Variants in F2 observed in about 807,000 individuals in gnomAD.
The protein encoded by F2 is prothrombin.
A neutral mutation model predicts 81.9 loss-of-function variants in F2; 34 were observed. The observed-to-expected ratio is 0.42, with a 90% confidence interval of 0.32 to 0.55. The LOEUF (loss-of-function observed/expected upper bound fraction) is 0.55, where lower values mean the gene tolerates loss of function less well. Ranked by LOEUF, F2 falls within the 20% of genes least tolerant of loss-of-function variation. The probability of loss-of-function intolerance (pLI) is 0.18; values close to 1 mark genes in which losing one functional copy is unlikely to be tolerated. For synonymous variants in F2, 296 were observed against 326.4 expected, an observed-to-expected ratio of 0.91 and a Z score of 1.01; for missense variants, 630 against 833.4, an observed-to-expected ratio of 0.76 and a Z score of 3.00.
chr11:46,727,800 T>A (rs2064883955), intron 9 of F2, among the ~76,000 whole-genome samples, 196 bp from the exon 10 acceptor site: 1 of 151,400 alleles, frequency 6.6e-6, no homozygotes, highest in Non-Finnish European at 1.5e-5. Flanking sequence ...AATAAATAAA[T>A]AAAAAAGTGT....
At chr11:46,720,293 C>G in intron 2 of F2, 1 of 600,030 alleles carries the variant, frequency 1.7e-6, no homozygotes, top group South Asian at 1.9e-5. Flanking sequence ...CCTCTCCTCC[C>G]ATCTCCCCCA....
intron 12 of F2, among the ~76,000 whole-genome samples, chr11:46,730,857 A>T (rs2064906835): frequency 8.2e-6 from 1 of 122,448 alleles, no homozygotes; most frequent in African/African-American, 4.0e-5. Context: ...ATACTTGAGT[A>T]TTTCCAAAAA....
Position 46,722,313 on chromosome 11 carries a change from C to T in F2, c.317-867C>T, listed in dbSNP as rs116264656. On this transcript the variant is annotated intron_variant, in intron 4 of 13. Transcript: ENST00000311907. ...TACAAAATATTAAAATGATTGCGGC[C>T]GGGTGTGGTGGCTCAAGCCTGTAAT... is the stretch of plus-strand genomic sequence containing the variant. 9.9e-5 allele frequency among the ~76,000 whole-genome samples: 15 copies of T among 152,208 alleles called. No homozygotes were observed. The Middle Eastern group carries it at 0.014, about 138-fold the overall frequency.
chr11:46,725,928 T>C lies in F2; in HGVS notation c.629T>C (p.Leu210Ser), dbSNP rs948273916. The part of the protein sequence containing the change: ...EGSSVNLSPP[L>S]EQCVPDRGQQ... ...TCCAGTGTGAATCTGTCACCTCCAT[T>C]GGAGCAGTGTGTCCCTGATCGGGGG... The change falls in exon 7 of 14, where the codon TTG becomes TCG. Residue 210 changes from leucine (L) to serine (S), a missense_variant. Transcript: ENST00000311907. The C allele has an allele frequency of 1.9e-6, 3 of 1,613,736 alleles. No individual in the cohort carries two copies. In the African/African-American group the frequency reaches 4.0e-5, roughly 22 times the overall value.
Position 46,726,745 on chromosome 11 carries a change from G to C in F2, c.1038G>C (p.Ser346=). ...CGLRPLFEKK[S]LEDKTERELL... ...TGCGACCTCTGTTCGAGAAGAAGTC[G>C]CTGGAGGACAAAACCGAAAGAGAGC... Residue 346 remains serine (S), a synonymous_variant, in exon 9 of 14, where the codon TCG becomes TCC. Transcript: ENST00000311907. The surrounding 1 kb of genome is among the most constrained non-coding windows in gnomAD (Gnocchi z 5.9). 1 of 1,614,220 alleles carries C rather than the reference G, an allele frequency of 6.2e-7. No homozygotes were observed. The highest frequency in any genetic ancestry group is 8.5e-7 in the Non-Finnish European group (1 of 1,180,046).
chr11:46,727,987 C>T lies in F2; in HGVS notation c.1131-9C>T, dbSNP rs770377423. The T allele has an allele frequency of 1.2e-6, 2 of 1,605,670 alleles. No individual in the cohort carries two copies. The highest frequency in any genetic ancestry group is 1.1e-5 in the South Asian group (1 of 89,524). On this transcript the variant is annotated splice_polypyrimidine_tract_variant and intron_variant, in intron 9 of 13. Coordinates refer to ENST00000311907, the MANE Select transcript of F2 (RefSeq NM_000506.5). Reference sequence around the variant, plus strand: ...CTCAGCTCCTAATGCTTCCTGCTGCCCCTCCCAGGCAGGTGATGCTTTTCC... The same window carrying T: ...CTCAGCTCCTAATGCTTCCTGCTGCTCCTCCCAGGCAGGTGATGCTTTTCC...
Position 46,723,035 on chromosome 11 carries a change from T to C in F2, c.317-145T>C. On this transcript the variant is annotated intron_variant, in intron 4 of 13. Transcript: ENST00000311907. This position sits in a 1 kb window ranked among gnomAD's most constrained non-coding sequence, Gnocchi z 5.6. ...ACTGTTGAGTGAATGGGAGAACTGC[T>C]GGTTGCAGAGGAAGAGGGGCTGGGT... The C allele has an allele frequency of 2.5e-6, 2 of 785,222 alleles. No homozygotes were observed. Among genetic ancestry groups the C allele is most frequent in the Non-Finnish European group, 4.6e-6 (2 of 432,564 alleles). 48.6% of individuals were successfully genotyped at this position (785,222 alleles called of 1,614,324 possible).
In F2 at chr11:46,726,537, A is replaced by C; in HGVS notation, c.914A>C (p.Glu305Ala). 1.2e-6 allele frequency: 2 copies of C among 1,614,034 alleles called. No homozygotes were observed. Among genetic ancestry groups the C allele is most frequent in the Non-Finnish European group, 1.7e-6 (2 of 1,179,916 alleles). The part of the protein sequence containing the change: ...VEEETGDGLD[E>A]DSDRAIEGRT... ...GAGGAGACAGGAGATGGGCTGGATG[A>C]GGACTCAGACAGGGCCATCGAAGGG... Residue 305 changes from glutamate to alanine, a missense_variant, in exon 8 of 14, where the codon GAG becomes GCG. Physicochemically the swap from Glu to Ala is moderately radical, Grantham distance 107 (BLOSUM62 -1). Coordinates refer to ENST00000311907, the MANE Select transcript of F2 (RefSeq NM_000506.5). This position sits in a 1 kb window ranked among gnomAD's most constrained non-coding sequence, Gnocchi z 5.9.
rs372876181 is a variant in F2 at position 46,728,605 on chromosome 11, T to C, written c.1299-59T>C. The C allele has an allele frequency of 1.9e-6, 3 of 1,603,710 alleles. No individual in the cohort carries two copies. Among genetic ancestry groups the C allele is most frequent in the Non-Finnish European group, 2.6e-6 (3 of 1,171,910 alleles). ...TCCCAGACCCCAAGGGCAGGCAGTT[T>C]CCTGCTCCTTGCTGGGTGAACCTGC... On this transcript the variant is annotated intron_variant, in intron 10 of 13. Coordinates refer to ENST00000311907, the MANE Select transcript of F2 (RefSeq NM_000506.5). This position sits in a 1 kb window ranked among gnomAD's most constrained non-coding sequence, Gnocchi z 5.1.
In F2 at chr11:46,726,077, A is replaced by C; in HGVS notation, c.778A>C (p.Asn260His). Reference protein sequence around the residue: ...DFNSAVQLVENFCRNPDGDEE... With the variant: ...DFNSAVQLVEHFCRNPDGDEE... ...CAACTCAGCTGTGCAGCTGGTGGAG[A>C]ACTTCTGCCGCAACCCAGACGGGGA... The change falls in exon 7 of 14, where the codon AAC becomes CAC. Residue 260 changes from asparagine to histidine, a missense_variant. Coordinates refer to ENST00000311907, the MANE Select transcript of F2 (RefSeq NM_000506.5). This position sits in a 1 kb window ranked among gnomAD's most constrained non-coding sequence, Gnocchi z 5.9. 1 of 1,614,080 alleles carries C rather than the reference A, an allele frequency of 6.2e-7. No homozygotes were observed. The highest frequency in any genetic ancestry group is 8.5e-7 in the Non-Finnish European group (1 of 1,180,022).
rs2064847371 is a variant in F2, at chr11:46,723,063, A to C, written c.317-117A>C. 2.3e-6 allele frequency: 2 copies of C among 861,658 alleles called. No homozygotes were observed. Among genetic ancestry groups the C allele is most frequent in the African/African-American group, 1.6e-5 (1 of 60,692 alleles). The allele number at this position is 861,658 out of a possible 1,614,324, so 53.4% of individuals were successfully genotyped here. A position where few individuals can be genotyped will look rare whatever the true frequency, so the allele number is the denominator to read the frequency against. The stretch of plus-strand genomic sequence containing the variant: ...TTGCAGAGGAAGAGGGGCTGGGTGA[A>C]TGCAGGTTCAGGATTGTGGACCTGC... On this transcript the variant is annotated intron_variant, in intron 4 of 13. Transcript: ENST00000311907. This position sits in a 1 kb window ranked among gnomAD's most constrained non-coding sequence, Gnocchi z 5.6.
chr11:46,739,225 T>C (rs2064962572), intron 13 of F2, 40 bp from the exon 14 acceptor site: 1 of 1,613,734 alleles, frequency 6.2e-7, no homozygotes, highest in African/African-American at 1.3e-5. Flanking sequence ...GATGTGACCT[T>C]GAACTTGACT....
intron 4 of F2, among the ~76,000 whole-genome samples, chr11:46,722,174 A>G (rs1020062651): frequency 6.6e-6 from 1 of 152,144 alleles, no homozygotes; most frequent in Admixed American, 6.5e-5. Context: ...CTCAACAGAC[A>G]TTTTACAAAG....
chr11:46,722,355 CT>C (rs1473422280), intron 4 of F2, among the ~76,000 whole-genome samples: 1 of 151,980 alleles, frequency 6.6e-6, no homozygotes, highest in African/African-American at 2.4e-5. Context: ...ACTTTGGGAG[CT>C]GAGGTGGGCG....
chr11:46,735,713 A>G (rs1006874899), intron 12 of F2, among the ~76,000 whole-genome samples: 1 of 150,888 alleles, frequency 6.6e-6, no homozygotes, highest in Non-Finnish European at 1.5e-5. Flanking sequence ...ACCTGAGGTC[A>G]GGAGTTCAAG....
chr11:46,725,209 C>T (rs1035394967), intron 6 of F2, among the ~76,000 whole-genome samples: 1 of 151,168 alleles, frequency 6.6e-6, no homozygotes, highest in African/African-American at 2.4e-5. Context: ...GCTGGGATTA[C>T]AGGCACACGC....
intron 9 of F2, among the ~76,000 whole-genome samples, chr11:46,727,385 C>T (rs1336576832): frequency 2.6e-5 from 4 of 152,168 alleles, no homozygotes; most frequent in South Asian, 2.1e-4. Flanking sequence ...GGCTCACCTC[C>T]GCGCACAGCT....
chr11:46,739,012 T>A (rs751796143), intron 12 of F2, 36 bp from the exon 13 acceptor site: 8 of 1,611,036 alleles, frequency 5.0e-6, no homozygotes, highest in Non-Finnish European at 6.8e-6. Context: ...GGCTATGAGC[T>A]ATGCTCCTGA....
In F2 at chr11:46,728,006, C is replaced by A; in HGVS notation, c.1141C>A (p.Leu381Ile). Residue 381 changes from leucine to isoleucine, a missense_variant, in exon 10 of 14, where the codon CTT (leucine) becomes ATT (isoleucine). Coordinates refer to ENST00000311907, the MANE Select transcript of F2 (RefSeq NM_000506.5). This position sits in a 1 kb window ranked among gnomAD's most constrained non-coding sequence, Gnocchi z 5.1. The stretch of plus-strand genomic sequence containing the variant: ...TGCTGCCCCTCCCAGGCAGGTGATG[C>A]TTTTCCGGAAGAGTCCCCAGGAGCT... Reference protein sequence around the residue: ...EIGMSPWQVMLFRKSPQELLC... With the variant: ...EIGMSPWQVMIFRKSPQELLC... 6.2e-7 allele frequency: 1 copy of A among 1,610,144 alleles called. No homozygotes were observed. Among genetic ancestry groups the A allele is most frequent in the Non-Finnish European group, 8.5e-7 (1 of 1,178,866 alleles).
Sources: allele counts gnomAD v4.1 joint callset (sites outside exome capture counted in the v4.1 genomes callset), GRCh38; gene constraint gnomAD v4.1.1; non-coding constraint Gnocchi (gnomAD v3.1); transcripts MANE v1.5; gene names NCBI Gene and HGNC (gene_info 2026-07-23, HGNC 2026-07-21).